KCND3: variants seen among roughly 807,000 people sequenced by gnomAD.
The protein encoded by KCND3 is A-type voltage-gated potassium channel KCND3.
In KCND3, 9 loss-of-function variants were observed where a neutral mutation model predicts 51.1. The ratio of observed to expected loss-of-function variants is 0.18; its 90% CI spans 0.11 to 0.31. The LOEUF is 0.31. KCND3 is among the 10% of genes least tolerant of loss of function. The pLI is 1.00. For synonymous variants in KCND3, 349 were observed against 368.0 expected (o/e 0.95, Z 0.59); for missense variants, 526 against 903.8 (o/e 0.58, Z 5.36).
intron 2 of KCND3, among the ~76,000 whole-genome samples, chr1:111,806,985 T>C (rs75161537): frequency 0.025 from 3,783 of 152,266 alleles, 134 homozygotes; most frequent in African/African-American, 0.083. Flanking sequence ...GATTAAGGAA[T>C]TTGGGTTAAG....
At chr1:111,865,573 T>C (rs974852828) in intron 2 of KCND3, among the ~76,000 whole-genome samples, 4 of 152,204 alleles carry the variant, frequency 2.6e-5, no homozygotes, top group Admixed American at 6.5e-5. Flanking sequence ...TCAAAAGACA[T>C]AGAAATAATG....
intron 2 of KCND3, among the ~76,000 whole-genome samples, chr1:111,901,138 C>T (rs1031831322): frequency 1.3e-5 from 2 of 152,204 alleles, no homozygotes; most frequent in African/African-American, 4.8e-5. Flanking sequence ...TCTTATCATT[C>T]AGTCAGATTG....
chr1:111,982,512 T>C lies in KCND3; in HGVS notation c.215A>G (p.Glu72Gly). Residue 72 changes from glutamate (E) to glycine (G), a missense_variant, in exon 2 of 8, where the codon GAG (glutamate) becomes GGG (glycine). Coordinates refer to ENST00000302127, the MANE Select transcript of KCND3 (RefSeq NM_001378969.1). This position sits in a 1 kb window ranked among gnomAD's most constrained non-coding sequence, Gnocchi z 8.5. ...CTTGGTGTCCTCGTTGAAGAAGAACTCCTTCTCCGTGCTGCCCAGCAGGGT... is the reference window on the plus strand; with the variant it reads ...CTTGGTGTCCTCGTTGAAGAAGAACCCCTTCTCCGTGCTGCCCAGCAGGGT... Reference protein sequence around the residue: ...PDTLLGSTEKEFFFNEDTKEY... With the variant: ...PDTLLGSTEKGFFFNEDTKEY... 1 of 1,607,354 alleles carries C rather than the reference T, an allele frequency of 6.2e-7. No individual in the cohort carries two copies. Among genetic ancestry groups the C allele is most frequent in the Non-Finnish European group, 8.5e-7 (1 of 1,174,766 alleles).
intron 2 of KCND3, among the ~76,000 whole-genome samples, chr1:111,962,341 G>T (rs867223369): frequency 6.6e-6 from 1 of 152,106 alleles, no homozygotes; most frequent in African/African-American, 2.4e-5. Flanking sequence ...TGACCTGCCC[G>T]GGCAGCACAG....
intron 2 of KCND3, among the ~76,000 whole-genome samples, chr1:111,854,814 C>T (rs1426440459): frequency 6.6e-6 from 1 of 152,232 alleles, no homozygotes; most frequent in African/African-American, 2.4e-5. Context: ...TGTTTCCCCA[C>T]TGGTTAGCTG....
In KCND3 at chr1:111,792,030, T is replaced by C. The variant is rs199667796; in HGVS notation, c.1107-4924A>G. 7.9e-5 allele frequency among the ~76,000 whole-genome samples: 12 copies of C among 152,340 alleles called. No homozygotes were observed. In the East Asian group the frequency reaches 2.3e-3, roughly 29 times the overall value. On this transcript the variant is annotated intron_variant, in intron 2 of 7. Transcript: ENST00000302127. ...TAGATGCAGACCATTTCTAGGCTGC[T>C]GTGTCGAGTTCCAGGCACTATATAG...
chr1:111,810,022 C>T (rs1387068398), intron 2 of KCND3, among the ~76,000 whole-genome samples: 1 of 152,230 alleles, frequency 6.6e-6, no homozygotes, highest in East Asian at 1.9e-4. Flanking sequence ...CCTGGTCCAG[C>T]ATCACCCAAT....
intron 2 of KCND3, among the ~76,000 whole-genome samples, chr1:111,865,232 T>C (rs1177993391): frequency 6.6e-6 from 1 of 152,264 alleles, no homozygotes; most frequent in East Asian, 1.9e-4. Flanking sequence ...CATAGTCTTA[T>C]TTAATCACAC....
At chr1:111,794,265 G>A (rs962688458) in intron 2 of KCND3, among the ~76,000 whole-genome samples, 4 of 152,228 alleles carry the variant, frequency 2.6e-5, no homozygotes, top group Admixed American at 2.0e-4. Flanking sequence ...CACCTGACTT[G>A]TACAATTAAT....
rs116372608 is a variant in KCND3 at position 111,812,222 on chromosome 1, G to A, written c.1107-25116C>T. Among the ~76,000 whole-genome samples the A allele has an allele frequency of 3.8e-3, 572 of 152,324 alleles. 7 individuals are homozygous for A. Among genetic ancestry groups the A allele is most frequent in the Non-Finnish European group, 1.6e-3 (110 of 68,030 alleles). On this transcript the variant is annotated intron_variant, in intron 2 of 7. Transcript: ENST00000302127. ...GACAAAGAGGGAAGGCCAACTCCCC[G>A]GCTCCACTGGTGGGTCTGGAGGAGC...
At chr1:111,852,399 G>C (rs932343536) in intron 2 of KCND3, among the ~76,000 whole-genome samples, 1 of 152,238 alleles carries the variant, frequency 6.6e-6, no homozygotes, top group Non-Finnish European at 1.5e-5. Flanking sequence ...GGCCGGCAGG[G>C]ACTAAGCCTG....
intron 2 of KCND3, among the ~76,000 whole-genome samples, chr1:111,792,354 GAAC>G (rs1388560755): frequency 3.3e-5 from 5 of 152,232 alleles, no homozygotes; most frequent in Non-Finnish European, 7.3e-5. Flanking sequence ...GTCAGAGGCA[GAAC>G]AACTGGGGTT....
chr1:111,977,732 C>G (rs770271396), intron 2 of KCND3, among the ~76,000 whole-genome samples: 1 of 152,162 alleles, frequency 6.6e-6, no homozygotes, highest in Non-Finnish European at 1.5e-5. Context: ...TCCTGAGCTT[C>G]CCCCATGGAC....
At chr1:111,959,796 A>G (rs1673536516) in intron 2 of KCND3, among the ~76,000 whole-genome samples, 4 of 152,126 alleles carry the variant, frequency 2.6e-5, no homozygotes, top group South Asian at 2.1e-4. Flanking sequence ...TCACAGTGAA[A>G]TGGTCTCACA....
intron 2 of KCND3, among the ~76,000 whole-genome samples, chr1:111,971,903 T>G (rs1674348165): frequency 6.6e-6 from 1 of 152,218 alleles, no homozygotes; most frequent in Non-Finnish European, 1.5e-5. Flanking sequence ...CTCTTCTGTT[T>G]CATTGCAACT....
At chr1:111,781,935 C>A (rs527235) in intron 3 of KCND3, among the ~76,000 whole-genome samples, 15,003 of 152,100 alleles carry the variant, frequency 0.099, 1,371 homozygotes, top group African/African-American at 0.24. Context: ...AGGTTTCTTG[C>A]TAGTTTAAAA....
intron 2 of KCND3, among the ~76,000 whole-genome samples, chr1:111,928,666 C>T (rs1671823630): frequency 1.3e-5 from 2 of 152,200 alleles, no homozygotes; most frequent in South Asian, 2.1e-4. Flanking sequence ...CAGCCAGGAA[C>T]GAAGAAGCTG....
At chr1:111,978,182 C>T (rs1309528069) in intron 2 of KCND3, among the ~76,000 whole-genome samples, 1 of 152,206 alleles carries the variant, frequency 6.6e-6, no homozygotes, top group East Asian at 1.9e-4. Flanking sequence ...ACCTGAGTAA[C>T]TCATCAACGA....
chr1:111,779,995 G>A (rs1664301713), intron 5 of KCND3, among the ~76,000 whole-genome samples: 1 of 152,184 alleles, frequency 6.6e-6, no homozygotes, highest in Non-Finnish European at 1.5e-5. Flanking sequence ...GTGGGAGGCT[G>A]GGGGAATGGC....
Sources: allele counts gnomAD v4.1 joint callset (sites outside exome capture counted in the v4.1 genomes callset), GRCh38; gene constraint gnomAD v4.1.1; non-coding constraint Gnocchi (gnomAD v3.1); transcripts MANE v1.5; gene names NCBI Gene and HGNC (gene_info 2026-07-23, HGNC 2026-07-21).